CYP2C19: variants seen among roughly 807,000 people sequenced by gnomAD.
CYP2C19 encodes the protein cytochrome P450 2C19.
CYP2C19 carries 59 observed loss-of-function variants against 40.9 expected under a neutral mutation model. The observed-to-expected ratio is 1.44, with a 90% CI of 1.17 to 1.79. The LOEUF (loss-of-function observed/expected upper bound fraction) is 1.79. Ranked by LOEUF, CYP2C19 falls within the 40% of genes most tolerant of loss-of-function variation. CYP2C19 has a pLI of 0.00. For missense variants in CYP2C19, 754 were observed against 596.9 expected, an observed-to-expected ratio of 1.26 and a Z score of -2.74; for synonymous variants, 253 against 208.7, an observed-to-expected ratio of 1.21 and a Z score of -1.83.
chr10:94,816,454 C>G (rs1589365276), intron 5 of CYP2C19, among the ~76,000 whole-genome samples: 1 of 152,008 alleles, frequency 6.6e-6, no homozygotes, highest in Non-Finnish European at 1.5e-5. Context: ...GATTAACAAA[C>G]TATACCAAAC....
intron 4 of CYP2C19, among the ~76,000 whole-genome samples, chr10:94,781,260 G>C (rs985113906): frequency 4.6e-5 from 7 of 151,948 alleles, no homozygotes; most frequent in Non-Finnish European, 7.4e-5. Context: ...GTGCTGAATT[G>C]GCATGTTTTA....
At chr10:94,836,386 C>G (rs1849403609) in intron 6 of CYP2C19, among the ~76,000 whole-genome samples, 1 of 151,676 alleles carries the variant, frequency 6.6e-6, no homozygotes, top group South Asian at 2.1e-4. Flanking sequence ...ACTCCTAGAG[C>G]TATTCCTGTT....
At chr10:94,809,776 G>T (rs149452866) in intron 5 of CYP2C19, among the ~76,000 whole-genome samples, 1 of 152,010 alleles carries the variant, frequency 6.6e-6, no homozygotes, top group African/African-American at 2.4e-5. Flanking sequence ...TAGCATGAAG[G>T]GGAGTTGAAT....
At chr10:94,775,770 G>T in intron 3 of CYP2C19, 1 of 628,944 alleles carries the variant, frequency 1.6e-6, no homozygotes, top group Non-Finnish European at 2.7e-6. Context: ...TTAATCCTAT[G>T]TTCTCCTGAA....
At chr10:94,810,493 C>T (rs1264573517) in intron 5 of CYP2C19, among the ~76,000 whole-genome samples, 2 of 151,908 alleles carry the variant, frequency 1.3e-5, no homozygotes, top group Non-Finnish European at 1.5e-5. Context: ...TGGTAGAATT[C>T]GGCTGTGAAT....
chr10:94,810,956 T>C (rs1220913039), intron 5 of CYP2C19, among the ~76,000 whole-genome samples: 3 of 152,196 alleles, frequency 2.0e-5, no homozygotes, highest in Non-Finnish European at 1.5e-5. Flanking sequence ...GGTTTTCTAG[T>C]TCTTTTAAAT....
rs541890954 is a variant in CYP2C19 at position 94,854,664 on chromosome 10, A to G, written c.*1750A>G. 1.3e-5 allele frequency among the ~76,000 whole-genome samples: 2 copies of G among 152,254 alleles called. No individual in the cohort carries two copies. The highest frequency in any genetic ancestry group is 3.4e-3 in the Middle Eastern group (1 of 292). On this transcript the variant is annotated 3_prime_UTR_variant, in exon 9 of 9. Transcript: ENST00000371321. Reference sequence around the variant, plus strand: ...ATGCATGTGTGTGTACATTATGTGCATTCACACATAATATATATATGTATA... The same window carrying G: ...ATGCATGTGTGTGTACATTATGTGCGTTCACACATAATATATATATGTATA...
At chr10:94,782,128 G>T (rs1323444917) in intron 5 of CYP2C19, 131 bp downstream of exon 5, 1 of 621,224 alleles carries the variant, frequency 1.6e-6, no homozygotes. Flanking sequence ...AGTTTTTATT[G>T]TATGCATGAA....
At chr10:94,768,296 A>C (rs905854716) in intron 1 of CYP2C19, among the ~76,000 whole-genome samples, 1 of 152,164 alleles carries the variant, frequency 6.6e-6, no homozygotes, top group Non-Finnish European at 1.5e-5. Flanking sequence ...TTACACCACT[A>C]ACTTTGCCAT....
chr10:94,796,229 T>A (rs1848684465), intron 5 of CYP2C19, among the ~76,000 whole-genome samples: 2 of 152,308 alleles, frequency 1.3e-5, no homozygotes, highest in South Asian at 2.1e-4. Flanking sequence ...CTAGCCAGTT[T>A]TCCCAGCACT....
At chr10:94,798,317 A>G (rs965326754) in intron 5 of CYP2C19, among the ~76,000 whole-genome samples, 1 of 152,128 alleles carries the variant, frequency 6.6e-6, no homozygotes, top group East Asian at 1.9e-4. Context: ...TAGTTTCTTA[A>G]TCCTGAGTTA....
intron 5 of CYP2C19, among the ~76,000 whole-genome samples, chr10:94,783,210 T>A (rs1848500831): frequency 6.6e-6 from 1 of 152,140 alleles, no homozygotes; most frequent in Non-Finnish European, 1.5e-5. Context: ...AAATATTATG[T>A]CATAGGATGA....
chr10:94,832,270 C>T lies in CYP2C19; in HGVS notation c.962-10567C>T, dbSNP rs149651085. Among the ~76,000 whole-genome samples the T allele has an allele frequency of 3.1e-3, 475 of 152,300 alleles. 3 individuals carry two copies. Among genetic ancestry groups the T allele is most frequent in the African/African-American group, 0.011 (452 of 41,562 alleles). ...ATAAAGGGAAGATGTTTAATGGACT[C>T]ACAGTTCCACATGGCTGGGGATGCC... On this transcript the variant is annotated intron_variant, in intron 6 of 8. Coordinates refer to ENST00000371321, the MANE Select transcript of CYP2C19 (RefSeq NM_000769.4).
chr10:94,767,493 G>A (rs1471047831), intron 1 of CYP2C19, among the ~76,000 whole-genome samples: 1 of 152,168 alleles, frequency 6.6e-6, no homozygotes. Context: ...AGACCAACAA[G>A]TATTGAAATC....
rs543944921 is a variant in CYP2C19, at chr10:94,787,024, T to C, written c.819+5027T>C. ...ACTGGATATGTACCCAGTAGTGGAA[T>C]TGCTGCATCAAATGATAATTTTGTT... On this transcript the variant is annotated intron_variant, in intron 5 of 8. Transcript: ENST00000371321. Among the ~76,000 whole-genome samples, 9 of 152,274 alleles carry C rather than the reference T, an allele frequency of 5.9e-5. No homozygotes were observed. In the South Asian group the frequency reaches 1.2e-3, roughly 21 times the overall value.
chr10:94,842,791 T>C (rs1849515461), intron 6 of CYP2C19, 46 bp from the exon 7 acceptor site: 1 of 1,595,616 alleles, frequency 6.3e-7, no homozygotes. Flanking sequence ...AGAACAAATG[T>C]TCCATTTCTC....
chr10:94,805,120 GT>G (rs565287705), intron 5 of CYP2C19, among the ~76,000 whole-genome samples: 271 of 151,450 alleles, frequency 1.8e-3, no homozygotes, highest in African/African-American at 6.3e-3. Flanking sequence ...GGACATCCTT[GT>G]TTTTTTTCTT....
In CYP2C19 at chr10:94,855,191, G is replaced by T. The variant is rs536463089; in HGVS notation, c.*2277G>T. 7.2e-5 allele frequency among the ~76,000 whole-genome samples: 11 copies of T among 152,076 alleles called. No homozygotes were observed. Among genetic ancestry groups the T allele is most frequent in the African/African-American group, 2.7e-4 (11 of 41,410 alleles). ...CTCTCTCCCTTATGTAAAGACCCTTGTGATTACATGAAACCCACCAGTGTA... is the reference window on the plus strand; with the variant it reads ...CTCTCTCCCTTATGTAAAGACCCTTTTGATTACATGAAACCCACCAGTGTA... On this transcript the variant is annotated 3_prime_UTR_variant, in exon 9 of 9. Transcript: ENST00000371321.
At chr10:94,850,754 G>A (rs1376942941) in intron 8 of CYP2C19, among the ~76,000 whole-genome samples, 2 of 152,180 alleles carry the variant, frequency 1.3e-5, no homozygotes, top group African/African-American at 4.8e-5. Flanking sequence ...AGCCACAGGA[G>A]CAGGATATTG....
Sources: gnomAD v4.1 joint callset for allele counts (sites outside exome capture counted in the v4.1 genomes callset) on GRCh38, gnomAD v4.1.1 for gene constraint, MANE v1.5 for transcripts, NCBI Gene and HGNC (gene_info 2026-07-23, HGNC 2026-07-21) for gene names.